Variants in DNAH14 observed in about 807,000 individuals in gnomAD.
The protein encoded by DNAH14 is dynein axonemal heavy chain 14.
A neutral mutation model predicts 520.9 loss-of-function variants in DNAH14; 478 were observed. The observed-to-expected ratio is 0.92, with a 90% CI of 0.85 to 0.99. The LOEUF (loss-of-function observed/expected upper bound fraction) is 0.99, where lower values mean the gene tolerates loss of function less well. Ranked by LOEUF, DNAH14 falls within the 50% of genes least tolerant of loss-of-function variation. The pLI, the probability that DNAH14 is intolerant of heterozygous loss-of-function variation, is 0.00. For missense variants in DNAH14, 4,831 were observed against 5,234.5 expected (o/e 0.92, Z 2.38); for synonymous variants, 1,581 against 1,757.2 (o/e 0.90, Z 2.51).
At chr1:224,965,064 C>T (rs1258885363) in intron 5 of DNAH14, among the ~76,000 whole-genome samples, 1 of 151,966 alleles carries the variant, frequency 6.6e-6, no homozygotes, top group Non-Finnish European at 1.5e-5. Flanking sequence ...TCATTTTTTT[C>T]TTACCCATTA....
At chr1:225,203,834 G>GA (rs34692378) in intron 38 of DNAH14, among the ~76,000 whole-genome samples, 19,378 of 150,862 alleles carry the variant, frequency 0.13, 1,383 homozygotes, top group East Asian at 0.31. Flanking sequence ...GGAAAGTCTA[G>GA]AAAAAAAAAT....
chr1:224,930,102 C>T (rs78999641), intron 1 of DNAH14, among the ~76,000 whole-genome samples: 8,015 of 152,288 alleles, frequency 0.053, 321 homozygotes, highest in Non-Finnish European at 0.078. Context: ...GTTGCTCTCC[C>T]TCAGGCAGGC....
intron 64 of DNAH14, 88 bp downstream of exon 64, chr1:225,324,920 T>A: frequency 1.1e-6 from 1 of 930,800 alleles, no homozygotes; most frequent in South Asian, 2.1e-5. Flanking sequence ...TCAGATAAGA[T>A]GGAAATAATA....
At chr1:225,278,012 TA>T (rs940416028) in intron 54 of DNAH14, among the ~76,000 whole-genome samples, 14 of 152,174 alleles carry the variant, frequency 9.2e-5, no homozygotes, top group African/African-American at 3.1e-4. Context: ...TTGTTTATTT[TA>T]TACTTTATTT....
At chr1:225,337,126 C>T in intron 66 of DNAH14, 140 bp from the exon 67 acceptor site, 1 of 765,046 alleles carries the variant, frequency 1.3e-6, no homozygotes, top group Non-Finnish European at 2.1e-6. Context: ...TTGCTTTAAA[C>T]TGTTCATTTC....
At chr1:225,007,746 T>TTA (rs1329979942) in intron 10 of DNAH14, among the ~76,000 whole-genome samples, 1 of 151,734 alleles carries the variant, frequency 6.6e-6, no homozygotes, top group Non-Finnish European at 1.5e-5. Context: ...AAATATATAT[T>TTA]TATATATATG....
At position 225,333,471 on chromosome 1, in the gene DNAH14, T is replaced by C. The variant is rs2094845225; in HGVS notation, c.10045T>C (p.Phe3349Leu). The C allele has an allele frequency of 6.4e-7, 1 of 1,551,038 alleles. No homozygotes were observed. The highest frequency in any genetic ancestry group is 8.7e-7 in the Non-Finnish European group (1 of 1,146,716). Residue 3349 changes from phenylalanine (F) to leucine (L), a missense_variant, in exon 66 of 86, where the codon TTC becomes CTC. Physicochemically the swap from Phe to Leu is conservative, Grantham distance 22 (BLOSUM62 0). Transcript: ENST00000682510. ...IENGISLSSKFSLIKVMAQKY... is the reference protein window; with the variant it reads ...IENGISLSSKLSLIKVMAQKY... ...AAATGGCATTTCTTTGTCTTCCAAA[T>C]TCTCTTTAATTAAAGTTATGGCACA...
chr1:225,213,617 C>G (rs1399847617), intron 41 of DNAH14, among the ~76,000 whole-genome samples: 2 of 152,104 alleles, frequency 1.3e-5, no homozygotes, highest in African/African-American at 4.8e-5. Context: ...TGAAGAGGTC[C>G]TTCACATCCC....
intron 11 of DNAH14, among the ~76,000 whole-genome samples, chr1:225,038,410 A>G (rs2067162372): frequency 6.6e-6 from 1 of 151,382 alleles, no homozygotes; most frequent in African/African-American, 2.4e-5. Context: ...GCCAACATTT[A>G]TTATTTATTA....
chr1:225,132,177 C>T (rs756103087), intron 27 of DNAH14, among the ~76,000 whole-genome samples: 1 of 151,426 alleles, frequency 6.6e-6, no homozygotes, highest in African/African-American at 2.4e-5. Context: ...CCAGGAGGTA[C>T]CATTATCAAG....
At chr1:225,060,251 C>T (rs2069839234) in intron 17 of DNAH14, among the ~76,000 whole-genome samples, 1 of 152,042 alleles carries the variant, frequency 6.6e-6, no homozygotes, top group Admixed American at 6.6e-5. Flanking sequence ...CTTCTTACTT[C>T]ATTGCATTCA....
chr1:225,061,331 T>A (rs1005779962), intron 17 of DNAH14, among the ~76,000 whole-genome samples: 1 of 152,218 alleles, frequency 6.6e-6, no homozygotes, highest in Non-Finnish European at 1.5e-5. Flanking sequence ...GGATACAATC[T>A]CCTGGTGTGC....
chr1:225,090,200 A>G (rs2074258843), intron 21 of DNAH14, among the ~76,000 whole-genome samples: 1 of 152,136 alleles, frequency 6.6e-6, no homozygotes, highest in South Asian at 2.1e-4. Flanking sequence ...AGAAAAATGT[A>G]TAAGATCTGC....
chr1:225,157,543 C>T (rs566878477), intron 34 of DNAH14, among the ~76,000 whole-genome samples: 1 of 152,170 alleles, frequency 6.6e-6, no homozygotes, highest in African/African-American at 2.4e-5. Flanking sequence ...TTACCTTTGT[C>T]CAATAACAGA....
intron 21 of DNAH14, among the ~76,000 whole-genome samples, chr1:225,086,437 A>C (rs2073811485): frequency 6.6e-6 from 1 of 152,026 alleles, no homozygotes. Context: ...CCCGACCCCT[A>C]ATAATTATTT....
chr1:224,939,526 C>T (rs1380228734), intron 1 of DNAH14, among the ~76,000 whole-genome samples: 1 of 151,858 alleles, frequency 6.6e-6, no homozygotes, highest in African/African-American at 2.4e-5. Context: ...TTTAAAAAAA[C>T]ACGAAAAATT....
rs780773138 is a variant in DNAH14 at position 225,002,999 on chromosome 1, T to TA, written c.975+78dup. On this transcript the variant is annotated intron_variant, in intron 9 of 85. Transcript: ENST00000682510. The stretch of plus-strand genomic sequence containing the variant: ...TAGGAAGAAAAATAGCATTTTGAAT[T>TA]AAAAAATACAGATTTCTAAATTCAT... The TA allele has an allele frequency of 2.8e-5, 35 of 1,255,346 alleles. 1 individual carries two copies. The highest frequency in any genetic ancestry group is 2.2e-4 in the East Asian group (8 of 36,114). 77.8% of individuals were successfully genotyped at this position (1,255,346 alleles called of 1,614,324 possible).
chr1:224,931,240 A>G (rs1277132302), intron 1 of DNAH14, among the ~76,000 whole-genome samples: 1 of 152,224 alleles, frequency 6.6e-6, no homozygotes, highest in East Asian at 1.9e-4. Flanking sequence ...ATATTTCTAT[A>G]CAGCTGTACA....
chr1:225,033,490 G>A (rs1482016482), intron 11 of DNAH14, among the ~76,000 whole-genome samples: 1 of 151,942 alleles, frequency 6.6e-6, no homozygotes, highest in Non-Finnish European at 1.5e-5. Context: ...GCCTTGTAGT[G>A]TAGTTTGAAG....
Sources: allele counts gnomAD v4.1 joint callset (sites outside exome capture counted in the v4.1 genomes callset), GRCh38; gene constraint gnomAD v4.1.1; transcripts MANE v1.5; gene names NCBI Gene and HGNC (gene_info 2026-07-23, HGNC 2026-07-21).